EPB41L4A: variants seen among roughly 807,000 people sequenced by gnomAD.
EPB41L4A encodes the protein band 4.1-like protein 4A.
EPB41L4A carries 100 observed loss-of-function variants against 108.6 expected under a neutral mutation model. The observed-to-expected ratio is 0.92, with a 90% confidence interval of 0.78 to 1.09. The LOEUF is 1.09. Ranked by LOEUF, EPB41L4A falls within the 50% of genes least tolerant of loss-of-function variation. The pLI, the probability that EPB41L4A is intolerant of heterozygous loss-of-function variation, is 0.00. For synonymous variants in EPB41L4A, 319 were observed against 289.0 expected (o/e 1.10, Z -1.05); for missense variants, 1,030 against 842.7 (o/e 1.22, Z -2.75).
At position 112,403,392 on chromosome 5, in the gene EPB41L4A, CTT is replaced by C. The variant is rs201362466; in HGVS notation, c.99+15547_99+15548del. Among the ~76,000 whole-genome samples the C allele has an allele frequency of 6.1e-5, 9 of 147,940 alleles. No homozygotes were observed. The East Asian group carries it at 1.8e-3, about 29-fold the overall frequency. On this transcript the variant is annotated intron_variant, in intron 1 of 22. Coordinates refer to ENST00000261486, the MANE Select transcript of EPB41L4A (RefSeq NM_022140.5). ...CTTACAAAGGCTAAATCATAATTAA[CTT>C]AATGTCTTCATCACTGAAATTAACA...
rs1757137318 is a variant in EPB41L4A, at chr5:112,339,487, T to TATATATATATATAGATATATAG, written c.100-31998_100-31997insCTATATATCTATATATATATAT. On this transcript the variant is annotated intron_variant, in intron 1 of 22. Transcript: ENST00000261486. ...ATATATATATATCTATATATATATATATATATATCTATATATATATATAGA... is the reference window on the plus strand; with the variant it reads ...ATATATATATATCTATATATATATATATATATATATATAGATATATAGATATATATCTATATATATATATAGA... 1.7e-4 allele frequency among the ~76,000 whole-genome samples: 5 copies of TATATATATATATAGATATATAG among 28,906 alleles called. 1 individual carries two copies. The highest frequency in any genetic ancestry group is 1.1e-3 in the Admixed American group (2 of 1,892). The allele number at this position is 28,906 out of a possible 152,430, so 19.0% of individuals were successfully genotyped here. A position where few individuals can be genotyped will look rare whatever the true frequency, so the allele number is the denominator to read the frequency against.
At chr5:112,245,992 T>C (rs1750185757) in intron 9 of EPB41L4A, among the ~76,000 whole-genome samples, 1 of 152,072 alleles carries the variant, frequency 6.6e-6, no homozygotes, top group African/African-American at 2.4e-5. Context: ...GTGAAAGGGA[T>C]AGGGATTATA....
intron 1 of EPB41L4A, among the ~76,000 whole-genome samples, chr5:112,358,884 A>G (rs1261875004): frequency 6.6e-6 from 1 of 152,266 alleles, no homozygotes; most frequent in Non-Finnish European, 1.5e-5. Context: ...TCTGCCACAG[A>G]CAATAACATA....
rs756813035 is a variant in EPB41L4A, at chr5:112,259,890, C to T, written c.731+1G>A. ...CAACTCTGTTCTCAAGCCATACCTA[C>T]CAGAAATACTTCCCCACTTGCTTTT... is the stretch of plus-strand genomic sequence containing the variant. On this transcript the variant is annotated splice_donor_variant, in intron 8 of 22. Coordinates refer to ENST00000261486, the MANE Select transcript of EPB41L4A (RefSeq NM_022140.5). LOFTEE classifies it high-confidence loss of function. 3 of 1,612,130 alleles carry T rather than the reference C, an allele frequency of 1.9e-6. No individual in the cohort carries two copies. The highest frequency in any genetic ancestry group is 2.7e-5 in the African/African-American group (2 of 74,888).
chr5:112,376,083 T>C (rs1369821947), intron 1 of EPB41L4A, among the ~76,000 whole-genome samples: 1 of 152,150 alleles, frequency 6.6e-6, no homozygotes, highest in Non-Finnish European at 1.5e-5. Flanking sequence ...AGGAAGAGGA[T>C]TAAAAAGACA....
intron 1 of EPB41L4A, among the ~76,000 whole-genome samples, chr5:112,316,085 A>G (rs536464208): frequency 6.6e-6 from 1 of 152,236 alleles, no homozygotes; most frequent in African/African-American, 2.4e-5. Context: ...TTATAATCGT[A>G]GAGAAAGACT....
intron 1 of EPB41L4A, among the ~76,000 whole-genome samples, chr5:112,392,401 C>CAAAA (rs56256606): frequency 6.8e-3 from 244 of 35,842 alleles, no homozygotes; most frequent in East Asian, 0.012. Context: ...AAATGGAAAG[C>CAAAA]AAAAAAAAAA....
At chr5:112,277,288 C>T (rs970963247) in intron 3 of EPB41L4A, among the ~76,000 whole-genome samples, 3 of 152,176 alleles carry the variant, frequency 2.0e-5, no homozygotes, top group Non-Finnish European at 2.9e-5. Context: ...TGGAACATGA[C>T]AGATTACACC....
intron 1 of EPB41L4A, among the ~76,000 whole-genome samples, chr5:112,391,724 C>G (rs183630558): frequency 6.6e-6 from 1 of 152,158 alleles, no homozygotes; most frequent in East Asian, 1.9e-4. Flanking sequence ...TCAGGAAATA[C>G]AGAGAACACC....
intron 7 of EPB41L4A, 50 bp downstream of exon 7, chr5:112,262,444 G>A (rs753420352): frequency 1.3e-6 from 2 of 1,517,410 alleles, no homozygotes; most frequent in Admixed American, 3.4e-5. Flanking sequence ...GACTTTTTAA[G>A]AAAAATGTCA....
chr5:112,149,099 C>A (rs1197894513), intron 12 of EPB41L4A, among the ~76,000 whole-genome samples: 1 of 152,146 alleles, frequency 6.6e-6, no homozygotes, highest in East Asian at 1.9e-4. Flanking sequence ...ATTGTTCTGG[C>A]TATTCTCATC....
chr5:112,196,191 T>C (rs1475509406), intron 15 of EPB41L4A, among the ~76,000 whole-genome samples: 1 of 152,184 alleles, frequency 6.6e-6, no homozygotes, highest in Non-Finnish European at 1.5e-5. Context: ...CTCTTCCTCC[T>C]GTTTACCACT....
At chr5:112,352,957 G>C (rs758571933) in intron 1 of EPB41L4A, among the ~76,000 whole-genome samples, 2 of 152,092 alleles carry the variant, frequency 1.3e-5, no homozygotes, top group Admixed American at 1.3e-4. Context: ...CCAATTCTTT[G>C]GATTGGCTTT....
At chr5:112,156,815 G>T (rs544764091) in intron 12 of EPB41L4A, among the ~76,000 whole-genome samples, 1 of 152,224 alleles carries the variant, frequency 6.6e-6, no homozygotes, top group East Asian at 1.9e-4. Flanking sequence ...ATGAAATATG[G>T]CTTTAGCAGT....
intron 12 of EPB41L4A, among the ~76,000 whole-genome samples, chr5:112,152,636 T>G (rs1338751486): frequency 1.3e-5 from 2 of 152,136 alleles, no homozygotes; most frequent in African/African-American, 4.8e-5. Context: ...AAAAATAAAT[T>G]TGTGTTGTGA....
At chr5:112,205,017 A>G (rs922092661) in intron 14 of EPB41L4A, among the ~76,000 whole-genome samples, 4 of 152,182 alleles carry the variant, frequency 2.6e-5, no homozygotes, top group African/African-American at 9.7e-5. Context: ...CCAGAGATAC[A>G]CTAGACATAT....
intron 1 of EPB41L4A, among the ~76,000 whole-genome samples, chr5:112,317,461 A>G (rs1454592577): frequency 1.3e-5 from 2 of 152,240 alleles, no homozygotes; most frequent in East Asian, 1.9e-4. Flanking sequence ...ACTCCAACCC[A>G]GAAATATCTA....
chr5:112,280,028 C>G (rs1423452773), intron 3 of EPB41L4A, among the ~76,000 whole-genome samples: 2 of 152,216 alleles, frequency 1.3e-5, no homozygotes, highest in Non-Finnish European at 2.9e-5. Flanking sequence ...CAGACAAAAT[C>G]AAGGAAAGAC....
In EPB41L4A at chr5:112,145,827, T is replaced by C. The variant is rs563825813; in HGVS notation, n.1112+54A>G. 1.4e-4 allele frequency: 59 copies of C among 431,240 alleles called. No individual in the cohort carries two copies. In the East Asian group the frequency reaches 3.6e-3, roughly 27 times the overall value. 26.7% of individuals were successfully genotyped at this position (431,240 alleles called of 1,614,324 possible). A position where few individuals can be genotyped will look rare whatever the true frequency, so the allele number is the denominator to read the frequency against. On this transcript the variant is annotated intron_variant and non_coding_transcript_variant, in intron 13 of 13. Transcript: ENST00000507810. ...CCTAGACACATTCCTCCATTTGATA[T>C]CAATCTATTAAATAGCTATTGAGAC... is the stretch of plus-strand genomic sequence containing the variant.
Sources: allele counts gnomAD v4.1 joint callset (sites outside exome capture counted in the v4.1 genomes callset), GRCh38; gene constraint gnomAD v4.1.1; transcripts MANE v1.5; gene names NCBI Gene and HGNC (gene_info 2026-07-23, HGNC 2026-07-21).